FNBP1L: variants seen among roughly 807,000 people sequenced by gnomAD.
FNBP1L encodes the protein formin-binding protein 1-like.
In FNBP1L, 36 loss-of-function variants were observed where a neutral mutation model predicts 91.2. The ratio of observed to expected loss-of-function variants is 0.39; its 90% confidence interval spans 0.30 to 0.52. The LOEUF (loss-of-function observed/expected upper bound fraction) is 0.52, where lower values mean the gene tolerates loss of function less well. Among genes scored for constraint, FNBP1L ranks in the 20% least tolerant of loss-of-function variants. The probability of loss-of-function intolerance (pLI) is 0.66; values close to 1 mark genes in which losing one functional copy is unlikely to be tolerated. For synonymous variants in FNBP1L, 242 were observed against 237.0 expected (o/e 1.02, Z -0.19); for missense variants, 571 against 732.1 (o/e 0.78, Z 2.54).
chr1:93,539,705 CTG>C (rs1423473840), intron 10 of FNBP1L, among the ~76,000 whole-genome samples: 3 of 152,034 alleles, frequency 2.0e-5, no homozygotes, highest in Admixed American at 6.6e-5. Flanking sequence ...TTTTGAAAGA[CTG>C]TGAATATCTT....
At position 93,552,501 on chromosome 1, in the gene FNBP1L, C is replaced by CA. The variant is rs1304247045; in HGVS notation, c.*88dup. On this transcript the variant is annotated 3_prime_UTR_variant, in exon 17 of 17. Transcript: ENST00000271234. ...GGGAGGGTATTAGAGTTGTCAGGCT[C>CA]AAAGAGAGTGAGAGAAGCAAGTTGC... 44 of 1,487,752 alleles carry CA rather than the reference C, an allele frequency of 3.0e-5. No individual in the cohort carries two copies. The highest frequency in any genetic ancestry group is 3.3e-5 in the Non-Finnish European group (36 of 1,095,894). 92.2% of individuals were successfully genotyped at this position (1,487,752 alleles called of 1,614,324 possible).
rs199908627 is a variant in FNBP1L at position 93,480,805 on chromosome 1, G to A, written c.25-18663G>A. Among the ~76,000 whole-genome samples the A allele has an allele frequency of 1.8e-4, 27 of 152,060 alleles. 1 individual carries two copies. The East Asian group carries it at 4.7e-3, about 26-fold the overall frequency. On this transcript the variant is annotated intron_variant, in intron 1 of 16. Transcript: ENST00000271234. ...TTTCAATCTCCTGACCTCGTGATCC[G>A]CCTGCCTCGGCCTCCCAAAGTGCTG...
At chr1:93,494,646 T>A (rs961980453) in intron 1 of FNBP1L, among the ~76,000 whole-genome samples, 2 of 152,214 alleles carry the variant, frequency 1.3e-5, no homozygotes, top group Non-Finnish European at 2.9e-5. Context: ...ACTCAGGGAA[T>A]AAGGGTTTTA....
intron 2 of FNBP1L, among the ~76,000 whole-genome samples, chr1:93,504,373 A>G (rs1389190354): frequency 2.0e-5 from 3 of 152,210 alleles, no homozygotes; most frequent in Non-Finnish European, 4.4e-5. Context: ...CAATCCAAAT[A>G]TAGCTAGTCT....
chr1:93,462,196 C>T (rs1403707674), intron 1 of FNBP1L, among the ~76,000 whole-genome samples: 1 of 152,126 alleles, frequency 6.6e-6, no homozygotes, highest in Non-Finnish European at 1.5e-5. Flanking sequence ...CTATATTTAA[C>T]CCAAATCTCT....
intron 14 of FNBP1L, among the ~76,000 whole-genome samples, chr1:93,547,922 A>G (rs1672295535): frequency 6.6e-6 from 1 of 152,178 alleles, no homozygotes; most frequent in African/African-American, 2.4e-5. Context: ...TTCCAGACTA[A>G]AAGTCCACAA....
chr1:93,530,519 G>A (rs1219045421), intron 6 of FNBP1L, among the ~76,000 whole-genome samples: 1 of 152,096 alleles, frequency 6.6e-6, no homozygotes. Context: ...TGTAATGAGA[G>A]AGGGAAGAAT....
intron 1 of FNBP1L, among the ~76,000 whole-genome samples, chr1:93,497,544 C>T (rs1670306418): frequency 6.6e-6 from 1 of 152,120 alleles, no homozygotes. Context: ...GATTACTTTA[C>T]CATTAAGTGT....
chr1:93,551,053 A>C lies in FNBP1L; in HGVS notation c.1758A>C (p.Glu586Asp). Reference sequence around the variant, plus strand: ...GAGCTCGGAGACAGAACGGTGAAGAAGGCTACGTTCCCACGTCATACATAG... The same window carrying C: ...GAGCTCGGAGACAGAACGGTGAAGACGGCTACGTTCCCACGTCATACATAG... Reference protein sequence around the residue: ...WTRARRQNGEEGYVPTSYIDV... With the variant: ...WTRARRQNGEDGYVPTSYIDV... The change falls in exon 16 of 17, where the codon GAA becomes GAC. Residue 586 changes from glutamate to aspartate, a missense_variant. Glu to Asp is a conservative substitution (Grantham distance 45). This residue lies in a region of FNBP1L where 189 missense variants were observed against 219.7 expected (regional missense o/e 0.86). Transcript: ENST00000271234. 6 of 1,613,010 alleles carry C rather than the reference A, an allele frequency of 3.7e-6. No individual in the cohort carries two copies. The highest frequency in any genetic ancestry group is 5.1e-6 in the Non-Finnish European group (6 of 1,179,354).
chr1:93,536,657 A>G (rs1476180624), intron 10 of FNBP1L, among the ~76,000 whole-genome samples, 167 bp downstream of exon 10: 1 of 152,130 alleles, frequency 6.6e-6, no homozygotes, highest in East Asian at 1.9e-4. Flanking sequence ...CCTCTTTATA[A>G]CATTTGAAAT....
At chr1:93,484,086 G>T (rs978230619) in intron 1 of FNBP1L, among the ~76,000 whole-genome samples, 2 of 152,172 alleles carry the variant, frequency 1.3e-5, no homozygotes, top group Admixed American at 6.5e-5. Flanking sequence ...GCGCCACCAT[G>T]CCCGGCTAAT....
intron 12 of FNBP1L, 74 bp downstream of exon 12, chr1:93,544,290 T>C: frequency 3.2e-6 from 3 of 935,474 alleles, no homozygotes; most frequent in Non-Finnish European, 4.7e-6. Flanking sequence ...AAATGTGATA[T>C]ACAGAAGGTT....
At chr1:93,456,167 C>T (rs1246785961) in intron 1 of FNBP1L, among the ~76,000 whole-genome samples, 2 of 151,674 alleles carry the variant, frequency 1.3e-5, no homozygotes, top group East Asian at 3.9e-4. Context: ...GTATGGAGCC[C>T]AAGAAAAAAA....
At chr1:93,476,563 G>C (rs1389048100) in intron 1 of FNBP1L, among the ~76,000 whole-genome samples, 1 of 151,954 alleles carries the variant, frequency 6.6e-6, no homozygotes, top group Non-Finnish European at 1.5e-5. Context: ...TGCATAGAGG[G>C]GTAAGTAAGT....
At chr1:93,501,597 C>T (rs1440379237) in intron 2 of FNBP1L, among the ~76,000 whole-genome samples, 1 of 152,112 alleles carries the variant, frequency 6.6e-6, no homozygotes, top group East Asian at 1.9e-4. Flanking sequence ...CAGACACCTC[C>T]CATTAGGCCC....
At chr1:93,505,945 G>T (rs10874790) in intron 2 of FNBP1L, among the ~76,000 whole-genome samples, 72,236 of 152,002 alleles carry the variant, frequency 0.48, 20,565 homozygotes, top group Non-Finnish European at 0.61. Context: ...CCAAAGTGCT[G>T]GGATTACAGG....
chr1:93,497,767 G>A (rs1000091497), intron 1 of FNBP1L, among the ~76,000 whole-genome samples: 3 of 151,834 alleles, frequency 2.0e-5, no homozygotes, highest in Non-Finnish European at 2.9e-5. Flanking sequence ...CCACAGGTGC[G>A]TGCCACCACG....
chr1:93,515,910 A>G (rs1297277739), intron 2 of FNBP1L, among the ~76,000 whole-genome samples: 1 of 144,098 alleles, frequency 6.9e-6, no homozygotes, highest in Non-Finnish European at 1.5e-5. Flanking sequence ...AACTTAAGGT[A>G]TAATAATAAT....
chr1:93,540,440 A>G (rs760764022), intron 10 of FNBP1L, among the ~76,000 whole-genome samples: 4 of 152,126 alleles, frequency 2.6e-5, no homozygotes, highest in Non-Finnish European at 5.9e-5. Context: ...TGTACGGGAA[A>G]CTTGAATCTG....
Sources: allele counts gnomAD v4.1 joint callset (sites outside exome capture counted in the v4.1 genomes callset), GRCh38; gene constraint gnomAD v4.1.1; regional missense constraint gnomAD v4.1.1; transcripts MANE v1.5; gene names NCBI Gene and HGNC (gene_info 2026-07-23, HGNC 2026-07-21).